The following UXS1 variants were observed in gnomAD, a reference collection of about 807,000 sequenced individuals.
UXS1 encodes the protein UDP-glucuronate decarboxylase 1.
A neutral mutation model predicts 62.6 loss-of-function variants in UXS1; 33 were observed. The ratio of observed to expected loss-of-function variants is 0.53; its 90% CI spans 0.40 to 0.70. UXS1 has a LOEUF of 0.70. UXS1 is among the 30% of genes least tolerant of loss of function. The pLI is 0.00. For synonymous variants in UXS1, 213 were observed against 206.8 expected, an observed-to-expected ratio of 1.03 and a Z score of -0.26; for missense variants, 434 against 556.3, an observed-to-expected ratio of 0.78 and a Z score of 2.21.
At chr2:106,112,936 C>G (rs1035761601) in intron 9 of UXS1, among the ~76,000 whole-genome samples, 171 bp from the exon 10 acceptor site, 3 of 152,038 alleles carry the variant, frequency 2.0e-5, no homozygotes, top group Admixed American at 6.6e-5. Context: ...ATAGACCAAT[C>G]GGGAGACTAC....
intron 14 of UXS1, 118 bp from the exon 15 acceptor site, chr2:106,094,275 C>T: frequency 6.8e-6 from 2 of 294,078 alleles, no homozygotes; most frequent in Non-Finnish European, 1.0e-5. Context: ...AGGCCTCCTT[C>T]AGAGGAACAC....
chr2:106,104,954 G>A (rs1558678729), intron 10 of UXS1, 117 bp from the exon 11 acceptor site: 1 of 1,246,028 alleles, frequency 8.0e-7, no homozygotes, highest in Non-Finnish European at 1.2e-6. Context: ...GGGCAGTGAT[G>A]CTGACTCAAA....
rs1679646789 is a variant in UXS1, at chr2:106,123,031, C to T, written c.698G>A (p.Arg233Gln). Residue 233 changes from arginine (R) to glutamine (Q), a missense_variant, in exon 9 of 15, where the codon CGG becomes CAG. This residue lies in a region of UXS1 where 134 missense variants were observed against 251.9 expected (regional missense o/e 0.53). Coordinates refer to ENST00000283148, the MANE Select transcript of UXS1 (RefSeq NM_001253875.2). ...YWGHVNPIGPRACYDEGKRVA... is the reference protein window; with the variant it reads ...YWGHVNPIGPQACYDEGKRVA... Reference sequence around the variant, plus strand: ...ACGTTTGCCTTCATCGTAGCAGGCCCGAGGTCCTATTGGATTCACGTGGCC... The same window carrying T: ...ACGTTTGCCTTCATCGTAGCAGGCCTGAGGTCCTATTGGATTCACGTGGCC... The T allele has an allele frequency of 1.2e-6, 2 of 1,613,968 alleles. No homozygotes were observed. Among genetic ancestry groups the T allele is most frequent in the Non-Finnish European group, 1.7e-6 (2 of 1,179,874 alleles).
At chr2:106,161,490 C>T (rs1237006299) in intron 4 of UXS1, among the ~76,000 whole-genome samples, 2 of 152,156 alleles carry the variant, frequency 1.3e-5, no homozygotes, top group African/African-American at 4.8e-5. Context: ...CTCCGTTCTA[C>T]ACTAGGCACT....
intron 10 of UXS1, among the ~76,000 whole-genome samples, chr2:106,108,553 GTTC>G (rs1678291822): frequency 6.6e-6 from 1 of 152,178 alleles, no homozygotes; most frequent in Admixed American, 6.5e-5. Context: ...CCTTCTCATT[GTTC>G]TTCTAACAGA....
intron 5 of UXS1, among the ~76,000 whole-genome samples, chr2:106,149,553 G>T (rs189214940): frequency 6.6e-6 from 1 of 152,278 alleles, no homozygotes; most frequent in Admixed American, 6.5e-5. Context: ...ACTACGTGAT[G>T]ACATAGCAAG....
At chr2:106,101,231 A>C in intron 11 of UXS1, 113 bp from the exon 12 acceptor site, 3 of 1,086,084 alleles carry the variant, frequency 2.8e-6, no homozygotes, top group Middle Eastern at 2.8e-4. Context: ...GAAAACAAAA[A>C]CCCAAATGGA....
intron 10 of UXS1, among the ~76,000 whole-genome samples, chr2:106,106,307 T>C (rs1214944402): frequency 7.0e-6 from 1 of 142,230 alleles, no homozygotes; most frequent in Non-Finnish European, 1.5e-5. Context: ...GAGGTTGCAG[T>C]GAGCCGAGAT....
At chr2:106,122,000 C>T (rs1023782621) in intron 9 of UXS1, among the ~76,000 whole-genome samples, 1 of 152,198 alleles carries the variant, frequency 6.6e-6, no homozygotes, top group Non-Finnish European at 1.5e-5. Flanking sequence ...CTGAGACAGA[C>T]AGTCAGGAAA....
Position 106,138,499 on chromosome 2 carries a change from T to C in UXS1, c.472+6691A>G, listed in dbSNP as rs1339014706. The C allele has an allele frequency of 6.1e-6, 6 of 985,316 alleles. 1 individual carries two copies. Among genetic ancestry groups the C allele is most frequent in the Non-Finnish European group, 7.2e-6 (6 of 829,972 alleles). The allele number at this position is 985,316 out of a possible 1,614,324, so 61.0% of individuals were successfully genotyped here. ...CCACTGCAGGTCTCACCCTTCAGGA[T>C]TTCCAGGCGGGCCTGGAAACCTTCC... On this transcript the variant is annotated intron_variant, in intron 6 of 14. Coordinates refer to ENST00000283148, the MANE Select transcript of UXS1 (RefSeq NM_001253875.2).
At chr2:106,147,564 C>CAG (rs913099829) in intron 5 of UXS1, among the ~76,000 whole-genome samples, 1 of 152,142 alleles carries the variant, frequency 6.6e-6, no homozygotes, top group Admixed American at 6.5e-5. Context: ...GCCTGTGTGA[C>CAG]AGAGAGAGAC....
At chr2:106,155,438 ATTAG>A (rs1421841453) in intron 5 of UXS1, among the ~76,000 whole-genome samples, 1 of 152,224 alleles carries the variant, frequency 6.6e-6, no homozygotes, top group African/African-American at 2.4e-5. Flanking sequence ...CAAATAGGAA[ATTAG>A]TTAATTACAA....
rs934618768 is a variant in UXS1, at chr2:106,144,554, C to T, written c.472+636G>A. On this transcript the variant is annotated intron_variant, in intron 6 of 14. Transcript: ENST00000283148. ...AAAGAATATTTTTAAAATGGACTAA[C>T]AAAACCATTGGTATTTCTCTGGTGA... Among the ~76,000 whole-genome samples the T allele has an allele frequency of 5.9e-5, 9 of 152,178 alleles. No homozygotes were observed. In the East Asian group the frequency reaches 1.5e-3, roughly 26 times the overall value.
At chr2:106,141,614 T>G (rs1032803076) in intron 6 of UXS1, among the ~76,000 whole-genome samples, 1 of 152,018 alleles carries the variant, frequency 6.6e-6, no homozygotes, top group Non-Finnish European at 1.5e-5. Flanking sequence ...CATGCCACCA[T>G]GCCTGGGTAA....
At chr2:106,109,825 A>G (rs1309918396) in intron 10 of UXS1, among the ~76,000 whole-genome samples, 3 of 152,206 alleles carry the variant, frequency 2.0e-5, no homozygotes, top group Admixed American at 2.0e-4. Context: ...GTAAGCAATC[A>G]TACCCATCCA....
chr2:106,174,005 T>A (rs1167987471), intron 1 of UXS1, among the ~76,000 whole-genome samples: 1 of 149,978 alleles, frequency 6.7e-6, no homozygotes, highest in Non-Finnish European at 1.5e-5. Flanking sequence ...AAGGCTGCAG[T>A]CACCTGAGTC....
At chr2:106,169,599 A>C (rs992464761) in intron 1 of UXS1, among the ~76,000 whole-genome samples, 5 of 152,206 alleles carry the variant, frequency 3.3e-5, no homozygotes, top group African/African-American at 1.2e-4. Context: ...AGAAGCAGAA[A>C]GATCGCTTGA....
rs542297786 is a variant in UXS1, at chr2:106,179,105, T to C, written c.95-13022A>G. Among the ~76,000 whole-genome samples, 8 of 152,186 alleles carry C rather than the reference T, an allele frequency of 5.3e-5. No individual in the cohort carries two copies. In the South Asian group the frequency reaches 1.0e-3, roughly 20 times the overall value. On this transcript the variant is annotated intron_variant, in intron 1 of 14. Transcript: ENST00000283148. ...CTCTCCTCCTCCTGAGGGTGCCCAG[T>C]CTCCCTCTGTGGCTCCATCATGCAT...
At chr2:106,176,104 G>A (rs1683860865) in intron 1 of UXS1, among the ~76,000 whole-genome samples, 1 of 152,158 alleles carries the variant, frequency 6.6e-6, no homozygotes, top group Admixed American at 6.5e-5. Flanking sequence ...GCCCGCCTGG[G>A]TAGAAGGCAA....
Sources: gnomAD v4.1 joint callset for allele counts (sites outside exome capture counted in the v4.1 genomes callset) on GRCh38, gnomAD v4.1.1 for gene constraint, gnomAD v4.1.1 regional missense constraint, MANE v1.5 for transcripts, NCBI Gene and HGNC (gene_info 2026-07-23, HGNC 2026-07-21) for gene names.